Variants in ZEB1 observed in about 807,000 individuals in gnomAD.
ZEB1 encodes the protein zinc finger E-box binding homeobox 1, also known as zinc finger E-box-binding homeobox 1.
Under a neutral mutation model 84.9 loss-of-function variants are expected in ZEB1, and 21 were observed. The observed-to-expected ratio is 0.25, with a 90% confidence interval of 0.18 to 0.36. The LOEUF (loss-of-function observed/expected upper bound fraction) is 0.36. Ranked by LOEUF, ZEB1 falls within the 10% of genes least tolerant of loss-of-function variation. The pLI, the probability that ZEB1 is intolerant of heterozygous loss-of-function variation, is 1.00. For missense variants in ZEB1, 1,104 were observed against 1,330.2 expected (o/e 0.83, Z 2.65); for synonymous variants, 420 against 471.1 (o/e 0.89, Z 1.41).
At chr10:31,500,658 G>A (rs759796064) in intron 3 of ZEB1, among the ~76,000 whole-genome samples, 2 of 152,156 alleles carry the variant, frequency 1.3e-5, no homozygotes, top group Non-Finnish European at 2.9e-5. Flanking sequence ...CCATAATCAT[G>A]TCATGGATGG....
intron 2 of ZEB1, among the ~76,000 whole-genome samples, chr10:31,469,037 T>G (rs1029644246): frequency 6.6e-6 from 1 of 152,130 alleles, no homozygotes; most frequent in Non-Finnish European, 1.5e-5. Flanking sequence ...AGAAACAATC[T>G]AAGAGATGAA....
chr10:31,436,781 T>G (rs1042897928), intron 1 of ZEB1, among the ~76,000 whole-genome samples: 4 of 152,144 alleles, frequency 2.6e-5, no homozygotes, highest in African/African-American at 9.7e-5. Context: ...TTCTTTAAAG[T>G]ACGTTTAAAA....
intron 1 of ZEB1, among the ~76,000 whole-genome samples, chr10:31,329,474 A>G (rs1428242258): frequency 6.6e-6 from 1 of 152,126 alleles, no homozygotes; most frequent in Non-Finnish European, 1.5e-5. Flanking sequence ...CTTTGCTCTA[A>G]TGAATAAAGC....
At chr10:31,399,126 C>T (rs1018983601) in intron 1 of ZEB1, among the ~76,000 whole-genome samples, 2 of 151,784 alleles carry the variant, frequency 1.3e-5, no homozygotes, top group Non-Finnish European at 1.5e-5. Flanking sequence ...TCCCATGTAG[C>T]GGGGATTACA....
rs556942013 is a variant in ZEB1 at position 31,418,210 on chromosome 10, C to T, written c.59-42827C>T. ...AAACCTTCCCATGTAGGAATGCCAG[C>T]GCCACCTCTGAGAGGAAGGGATGGC... is the stretch of plus-strand genomic sequence containing the variant. On this transcript the variant is annotated intron_variant, in intron 1 of 8. Transcript: ENST00000424869. 6.6e-5 allele frequency among the ~76,000 whole-genome samples: 10 copies of T among 151,920 alleles called. No homozygotes were observed. The South Asian group carries it at 1.9e-3, about 28-fold the overall frequency.
chr10:31,465,776 G>T (rs986112644), intron 2 of ZEB1, among the ~76,000 whole-genome samples: 2 of 149,120 alleles, frequency 1.3e-5, no homozygotes, highest in South Asian at 4.2e-4. Flanking sequence ...ACCACATGTG[G>T]CTAATTTAAA....
At chr10:31,389,164 A>C (rs2049169074) in intron 1 of ZEB1, among the ~76,000 whole-genome samples, 2 of 152,116 alleles carry the variant, frequency 1.3e-5, no homozygotes, top group Admixed American at 1.3e-4. Flanking sequence ...ATCAAAAATA[A>C]GATCATTTCC....
intron 1 of ZEB1, among the ~76,000 whole-genome samples, chr10:31,433,788 GT>G (rs2057997003): frequency 6.6e-6 from 1 of 152,192 alleles, no homozygotes; most frequent in African/African-American, 2.4e-5. Flanking sequence ...CAAGGATATA[GT>G]TTGCTGCTGC....
At chr10:31,444,231 A>C (rs2059451840) in intron 1 of ZEB1, among the ~76,000 whole-genome samples, 1 of 113,130 alleles carries the variant, frequency 8.8e-6, no homozygotes, top group East Asian at 2.6e-4. Context: ...GTGTCTGTTC[A>C]TGTCCTTCAC....
chr10:31,487,265 T>G (rs1472988915), intron 2 of ZEB1, among the ~76,000 whole-genome samples: 1 of 151,460 alleles, frequency 6.6e-6, no homozygotes, highest in Non-Finnish European at 1.5e-5. Flanking sequence ...AAATTTTAGA[T>G]AATCTATTTA....
chr10:31,528,878 C>CCT lies in ZEB1; in HGVS notation c.*1614_*1615insCT, dbSNP rs1834633813. 6.6e-6 allele frequency: 1 copy of CCT among 152,136 alleles called. No individual in the cohort carries two copies. Among genetic ancestry groups the CCT allele is most frequent in the Admixed American group, 6.6e-5 (1 of 15,264 alleles). The allele number at this position is 152,136 out of a possible 1,614,324, so 9.4% of individuals were successfully genotyped here. Reference sequence around the variant, plus strand: ...AATGTATTAGTTTTACAACTACAATCAAGTCATTTTACCTTTACCCAGTTT... The same window carrying CCT: ...AATGTATTAGTTTTACAACTACAATCCTAAGTCATTTTACCTTTACCCAGTTT... On this transcript the variant is annotated 3_prime_UTR_variant, in exon 9 of 9. Transcript: ENST00000424869.
chr10:31,328,396 C>T (rs185812973), intron 1 of ZEB1, among the ~76,000 whole-genome samples: 11 of 152,246 alleles, frequency 7.2e-5, no homozygotes, highest in East Asian at 5.8e-4. Flanking sequence ...AAGCATATGA[C>T]GCATTGTGCC....
At chr10:31,445,020 C>T (rs980537856) in intron 1 of ZEB1, among the ~76,000 whole-genome samples, 14 of 151,026 alleles carry the variant, frequency 9.3e-5, no homozygotes, top group Admixed American at 2.0e-4. Context: ...TGGCCATTTT[C>T]GCGATATTGA....
intron 2 of ZEB1, among the ~76,000 whole-genome samples, chr10:31,492,486 G>T (rs898520528): frequency 6.6e-6 from 1 of 151,742 alleles, no homozygotes; most frequent in African/African-American, 2.4e-5. Context: ...TTATAACGGG[G>T]TTTATCAATA....
At chr10:31,399,425 A>G (rs1011721252) in intron 1 of ZEB1, among the ~76,000 whole-genome samples, 1 of 152,162 alleles carries the variant, frequency 6.6e-6, no homozygotes, top group Non-Finnish European at 1.5e-5. Context: ...GGTGTCACCA[A>G]GGATGCCTGT....
chr10:31,461,853 T>G (rs961583775), intron 2 of ZEB1, among the ~76,000 whole-genome samples: 1 of 152,176 alleles, frequency 6.6e-6, no homozygotes, highest in African/African-American at 2.4e-5. Flanking sequence ...TAGTCTTTTA[T>G]TCTAGCTCTA....
intron 1 of ZEB1, among the ~76,000 whole-genome samples, chr10:31,433,103 A>G (rs1455289720): frequency 6.6e-6 from 1 of 152,206 alleles, no homozygotes; most frequent in Non-Finnish European, 1.5e-5. Context: ...ATATCAATGA[A>G]TTTTATAGTT....
chr10:31,347,953 A>G (rs2040607595), intron 1 of ZEB1, among the ~76,000 whole-genome samples: 2 of 152,212 alleles, frequency 1.3e-5, no homozygotes, highest in African/African-American at 4.8e-5. Flanking sequence ...ACATTTTGCA[A>G]AGAGCAACAG....
chr10:31,324,422 C>A (rs1302785617), intron 1 of ZEB1, among the ~76,000 whole-genome samples: 1 of 151,946 alleles, frequency 6.6e-6, no homozygotes, highest in Admixed American at 6.5e-5. Context: ...GTATAAATCA[C>A]TTTTAAGCAT....
Sources: gnomAD v4.1 joint callset for allele counts (sites outside exome capture counted in the v4.1 genomes callset) on GRCh38, gnomAD v4.1.1 for gene constraint, MANE v1.5 for transcripts, NCBI Gene and HGNC (gene_info 2026-07-23, HGNC 2026-07-21) for gene names.